The following SLC7A14 variants were observed in gnomAD, a reference collection of about 807,000 sequenced individuals.
SLC7A14 encodes solute carrier family 7 member 14.
A neutral mutation model predicts 60.2 loss-of-function variants in SLC7A14; 37 were observed. That is an observed-to-expected ratio of 0.61 (90% CI 0.47 to 0.81). The LOEUF (loss-of-function observed/expected upper bound fraction) is 0.81. SLC7A14 is among the 30% of genes least tolerant of loss of function. The pLI is 0.00. For missense variants in SLC7A14, 886 were observed against 982.7 expected (o/e 0.90, Z 1.32); for synonymous variants, 399 against 395.8 (o/e 1.01, Z -0.10).
At chr3:170,495,851 T>C (rs1712374669) in intron 4 of SLC7A14, 1 of 1,179,554 alleles carries the variant, frequency 8.5e-7, no homozygotes, top group East Asian at 2.3e-5. Context: ...TCAACGTATT[T>C]GAGAGCTACA....
intron 2 of SLC7A14, among the ~76,000 whole-genome samples, chr3:170,515,312 G>GC (rs202211117): frequency 0.042 from 4,814 of 113,368 alleles, 111 homozygotes; most frequent in South Asian, 0.085. Context: ...GACTCTGTCC[G>GC]CCCCCCCCAA....
At chr3:170,580,768 A>G (rs1715212803) in intron 1 of SLC7A14, among the ~76,000 whole-genome samples, 1 of 152,242 alleles carries the variant, frequency 6.6e-6, no homozygotes, top group Non-Finnish European at 1.5e-5. Context: ...AAATAAAGTG[A>G]CTTCGTTGAG....
intron 1 of SLC7A14, among the ~76,000 whole-genome samples, chr3:170,527,604 A>C (rs911340802): frequency 6.6e-6 from 1 of 152,234 alleles, no homozygotes; most frequent in Non-Finnish European, 1.5e-5. Context: ...AATTAGATCC[A>C]TGAGTCTTAA....
At chr3:170,484,256 G>A (rs371314919) in intron 5 of SLC7A14, among the ~76,000 whole-genome samples, 2 of 152,202 alleles carry the variant, frequency 1.3e-5, no homozygotes. Context: ...AGGGAGATGC[G>A]AGGGAGGAGC....
At chr3:170,470,466 C>T (rs947877104) in intron 7 of SLC7A14, among the ~76,000 whole-genome samples, 4 of 152,038 alleles carry the variant, frequency 2.6e-5, no homozygotes, top group Non-Finnish European at 5.9e-5. Context: ...CCCTGAACCC[C>T]CTGGAGTTTC....
Position 170,480,690 on chromosome 3 carries a change from A to G in SLC7A14, c.1592T>C (p.Ile531Thr). The G allele has an allele frequency of 1.2e-6, 2 of 1,614,188 alleles. No individual in the cohort carries two copies. Among genetic ancestry groups the G allele is most frequent in the Non-Finnish European group, 1.7e-6 (2 of 1,180,038 alleles). ...EADESENIYL[I>T]KLKKLIGPHY... ...AGGCCCAATCAGCTTCTTTAACTTGATGAGATAAATATTTTCGGATTCATC... is the reference window on the plus strand; with the variant it reads ...AGGCCCAATCAGCTTCTTTAACTTGGTGAGATAAATATTTTCGGATTCATC... Residue 531 changes from isoleucine to threonine, a missense_variant, in exon 7 of 8, where the codon ATC (isoleucine) becomes ACC (threonine). By Grantham distance (89) the Ile-to-Thr change is moderately conservative. Coordinates refer to ENST00000231706, the MANE Select transcript of SLC7A14 (RefSeq NM_020949.3).
chr3:170,506,868 G>A (rs1322739451), intron 2 of SLC7A14, among the ~76,000 whole-genome samples: 1 of 152,140 alleles, frequency 6.6e-6, no homozygotes, highest in African/African-American at 2.4e-5. Flanking sequence ...ATTTTTAAGT[G>A]GGGAAGCTTT....
chr3:170,535,204 G>A lies in SLC7A14; in HGVS notation c.-152-8116C>T, dbSNP rs575214139. On this transcript the variant is annotated intron_variant, in intron 1 of 7. Transcript: ENST00000231706. This position sits in a 1 kb window ranked among gnomAD's most constrained non-coding sequence, Gnocchi z 4.3. ...CAGGGTCTCCCAGGTTAGGGTCTCA[G>A]GTCTCTGCTTGGTGTCATGTGTTAT... is the stretch of plus-strand genomic sequence containing the variant. Among the ~76,000 whole-genome samples, 63 of 151,872 alleles carry A rather than the reference G, an allele frequency of 4.1e-4. No homozygotes were observed. The highest frequency in any genetic ancestry group is 1.4e-3 in the African/African-American group (60 of 41,396).
Position 170,481,082 on chromosome 3 carries a change from C to T in SLC7A14, c.1200G>A (p.Leu400=). The T allele has an allele frequency of 6.2e-7, 1 of 1,614,162 alleles. No individual in the cohort carries two copies. The highest frequency in any genetic ancestry group is 1.1e-5 in the South Asian group (1 of 91,076). The part of the protein sequence containing the change: ...VSGFLAALLA[L]LVSLRDLIEM... ...CTATCAGGTCTCTCAAGCTGACCAA[C>T]AGTGCGAGGAGCGCTGCCAGGAACC... Residue 400 remains leucine (L), a synonymous_variant, in exon 7 of 8, where the codon CTG becomes CTA. Transcript: ENST00000231706.
intron 4 of SLC7A14, among the ~76,000 whole-genome samples, chr3:170,489,896 TTGAACTCA>T (rs1157977334): frequency 6.6e-6 from 1 of 151,468 alleles, no homozygotes; most frequent in Non-Finnish European, 1.5e-5. Flanking sequence ...ATAAAAACAA[TTGAACTCA>T]TGGACACAGA....
In SLC7A14 at chr3:170,490,997, C is replaced by T. The variant is rs150822955; in HGVS notation, c.760-4629G>A. Among the ~76,000 whole-genome samples the T allele has an allele frequency of 2.0e-3, 302 of 152,266 alleles. 10 individuals are homozygous for T. In the East Asian group the frequency reaches 0.045, roughly 23 times the overall value. On this transcript the variant is annotated intron_variant, in intron 4 of 7. Coordinates refer to ENST00000231706, the MANE Select transcript of SLC7A14 (RefSeq NM_020949.3). ...GGCACAAACTCCTCCTCCTTCTCTC[C>T]TCCTTCTACTCCCCTACCTTCCTCC... is the stretch of plus-strand genomic sequence containing the variant.
chr3:170,502,467 T>C (rs192241719), intron 2 of SLC7A14, among the ~76,000 whole-genome samples: 365 of 152,300 alleles, frequency 2.4e-3, no homozygotes, highest in Admixed American at 8.6e-3. Flanking sequence ...GAGTTCCCTA[T>C]TTTGTGCTAG....
chr3:170,567,506 G>A (rs13095098), intron 1 of SLC7A14, among the ~76,000 whole-genome samples: 1 of 151,476 alleles, frequency 6.6e-6, no homozygotes, highest in South Asian at 2.1e-4. Context: ...TGATTTATAG[G>A]CCTTTGGGTA....
At chr3:170,478,990 C>T (rs1421160979) in intron 7 of SLC7A14, among the ~76,000 whole-genome samples, 1 of 152,054 alleles carries the variant, frequency 6.6e-6, no homozygotes, top group African/African-American at 2.4e-5. Context: ...GGCATGGTGG[C>T]ACTCACCTGT....
rs758288164 is a variant in SLC7A14 at position 170,526,981 on chromosome 3, G to C, written c.-45C>G. ...AGTGAAGGTCAGCTGATGGAAGGGG[G>C]CTACAAAGCCTTAGTGGATGGTTCT... On this transcript the variant is annotated 5_prime_UTR_variant, in exon 2 of 8. Transcript: ENST00000231706. 6.4e-7 allele frequency: 1 copy of C among 1,567,786 alleles called. No homozygotes were observed. Among genetic ancestry groups the C allele is most frequent in the Admixed American group, 1.8e-5 (1 of 54,940 alleles).
chr3:170,513,575 G>T (rs139404649), intron 2 of SLC7A14, among the ~76,000 whole-genome samples: 169 of 152,300 alleles, frequency 1.1e-3, no homozygotes, highest in Middle Eastern at 3.4e-3. Flanking sequence ...GGACTTTTCA[G>T]GGCCAGATCT....
intron 7 of SLC7A14, among the ~76,000 whole-genome samples, chr3:170,479,054 G>A (rs1018037733): frequency 3.3e-5 from 5 of 152,096 alleles, no homozygotes; most frequent in Non-Finnish European, 5.9e-5. Context: ...CCTGGTTGGC[G>A]GAGGTTGCAG....
At chr3:170,492,439 A>C (rs1712251397) in intron 4 of SLC7A14, among the ~76,000 whole-genome samples, 2 of 152,158 alleles carry the variant, frequency 1.3e-5, no homozygotes, top group Admixed American at 1.3e-4. Context: ...TGGGAGGTTG[A>C]GACTGCAGTG....
chr3:170,544,577 A>G (rs935772868), intron 1 of SLC7A14, among the ~76,000 whole-genome samples: 2 of 152,242 alleles, frequency 1.3e-5, no homozygotes, highest in Non-Finnish European at 2.9e-5. Flanking sequence ...TCATAAGTTT[A>G]AAATGTCCCA....
Sources: gnomAD v4.1 joint callset for allele counts (sites outside exome capture counted in the v4.1 genomes callset) on GRCh38, gnomAD v4.1.1 for gene constraint, Gnocchi (gnomAD v3.1) non-coding constraint, MANE v1.5 for transcripts, NCBI Gene and HGNC (gene_info 2026-07-23, HGNC 2026-07-21) for gene names.